CCDC172: variants seen among roughly 807,000 people sequenced by gnomAD.
The protein encoded by CCDC172 is coiled-coil domain containing 172, also known as coiled-coil domain-containing protein 172.
In CCDC172, 30 loss-of-function variants were observed where a neutral mutation model predicts 38.0. The observed-to-expected ratio is 0.79, with a 90% CI of 0.59 to 1.07. The LOEUF (loss-of-function observed/expected upper bound fraction) is 1.07. Among genes scored for constraint, CCDC172 ranks in the 50% least tolerant of loss-of-function variants. The pLI is 0.00. For synonymous variants in CCDC172, 78 were observed against 88.3 expected (o/e 0.88, Z 0.66); for missense variants, 297 against 290.1 (o/e 1.02, Z -0.17).
At chr10:116,327,390 C>A (rs1844605273) in intron 3 of CCDC172, among the ~76,000 whole-genome samples, 1 of 151,950 alleles carries the variant, frequency 6.6e-6, no homozygotes, top group Non-Finnish European at 1.5e-5. Context: ...AGTTTTTGTA[C>A]AAAATGCATT....
intron 7 of CCDC172, among the ~76,000 whole-genome samples, chr10:116,371,310 T>G (rs976619168): frequency 6.6e-6 from 1 of 151,964 alleles, no homozygotes; most frequent in Non-Finnish European, 1.5e-5. Flanking sequence ...ATCATATTAT[T>G]TTTCCCTTGG....
intron 5 of CCDC172, among the ~76,000 whole-genome samples, chr10:116,345,648 A>G (rs1844856647): frequency 6.6e-6 from 1 of 152,226 alleles, no homozygotes; most frequent in Non-Finnish European, 1.5e-5. Flanking sequence ...ATAAAAGGGA[A>G]AAAAGTTGAA....
intron 3 of CCDC172, among the ~76,000 whole-genome samples, chr10:116,328,714 C>T (rs932609119): frequency 2.0e-5 from 3 of 151,862 alleles, no homozygotes; most frequent in Non-Finnish European, 4.4e-5. Flanking sequence ...TAAAAAGTAA[C>T]TTAAGGTGGC....
intron 5 of CCDC172, among the ~76,000 whole-genome samples, chr10:116,350,362 T>G (rs1308624489): frequency 6.6e-6 from 1 of 152,134 alleles, no homozygotes; most frequent in African/African-American, 2.4e-5. Flanking sequence ...TAAGTGGTAT[T>G]CAGGTTCTAA....
At chr10:116,364,768 T>C (rs1234479598) in intron 7 of CCDC172, among the ~76,000 whole-genome samples, 1 of 152,168 alleles carries the variant, frequency 6.6e-6, no homozygotes, top group African/African-American at 2.4e-5. Flanking sequence ...GAAATATACA[T>C]AAATTTTAAC....
chr10:116,347,256 ACGTTAC>A (rs1844878971), intron 5 of CCDC172, among the ~76,000 whole-genome samples: 1 of 152,146 alleles, frequency 6.6e-6, no homozygotes, highest in African/African-American at 2.4e-5. Flanking sequence ...TGGGCAGAAC[ACGTTAC>A]TGAGTGGAGT....
chr10:116,371,115 T>G (rs1209676471), intron 7 of CCDC172, among the ~76,000 whole-genome samples: 1 of 151,906 alleles, frequency 6.6e-6, no homozygotes, highest in Non-Finnish European at 1.5e-5. Context: ...GCATCCTTAT[T>G]CCTGACCTTA....
intron 3 of CCDC172, 108 bp downstream of exon 3, chr10:116,325,496 G>C (rs974868183): frequency 1.3e-6 from 1 of 794,886 alleles, no homozygotes; most frequent in Non-Finnish European, 2.0e-6. Context: ...TAGGAAGCAC[G>C]TTACTCTGTG....
chr10:116,375,688 A>G (rs1845236160), intron 7 of CCDC172, among the ~76,000 whole-genome samples: 1 of 152,204 alleles, frequency 6.6e-6, no homozygotes. Context: ...ACAAGAAAAA[A>G]ACAAACAGCC....
chr10:116,357,299 T>A, intron 5 of CCDC172, 81 bp from the exon 6 acceptor site: 11 of 802,310 alleles, frequency 1.4e-5, no homozygotes, highest in Non-Finnish European at 2.1e-5. Context: ...TTTTATAGTT[T>A]TTAGTGTACA....
chr10:116,346,460 C>T (rs934954140), intron 5 of CCDC172, among the ~76,000 whole-genome samples: 1 of 151,886 alleles, frequency 6.6e-6, no homozygotes, highest in African/African-American at 2.4e-5. Context: ...TAACGTAAAG[C>T]CATGGCAAGC....
chr10:116,370,410 C>G (rs1845173561), intron 7 of CCDC172, among the ~76,000 whole-genome samples: 1 of 151,812 alleles, frequency 6.6e-6, no homozygotes, highest in African/African-American at 2.4e-5. Context: ...CTTTGGCAAT[C>G]CATTTATATC....
chr10:116,345,377 T>C (rs911131416), intron 5 of CCDC172, among the ~76,000 whole-genome samples: 1 of 152,166 alleles, frequency 6.6e-6, no homozygotes, highest in Non-Finnish European at 1.5e-5. Flanking sequence ...AAGCTAAAAT[T>C]ATGAATTTCC....
intron 5 of CCDC172, among the ~76,000 whole-genome samples, chr10:116,356,244 C>T (rs889202571): frequency 6.6e-6 from 1 of 151,790 alleles, no homozygotes; most frequent in Non-Finnish European, 1.5e-5. Context: ...GCAGGAGAAT[C>T]GCTTGAACCC....
chr10:116,376,917 T>C (rs1845252428), intron 7 of CCDC172, among the ~76,000 whole-genome samples: 1 of 152,096 alleles, frequency 6.6e-6, no homozygotes, highest in African/African-American at 2.4e-5. Flanking sequence ...TATGCATAAA[T>C]AGATTTTAAT....
At chr10:116,358,356 T>C (rs1313109135) in intron 7 of CCDC172, among the ~76,000 whole-genome samples, 1 of 152,136 alleles carries the variant, frequency 6.6e-6, no homozygotes, top group East Asian at 1.9e-4. Flanking sequence ...TCTTAAAAAG[T>C]GAAAATGTAT....
Position 116,379,374 on chromosome 10 carries a change from TC to T in CCDC172, c.*17del. On this transcript the variant is annotated 3_prime_UTR_variant, in exon 9 of 9. Transcript: ENST00000333254. ...AAGCAAATAACTTACAGAGAATTGA[TC>T]AGCCATCTGAGATTTGATCAGAATA... 1 of 1,561,088 alleles carries T rather than the reference TC, an allele frequency of 6.4e-7. No homozygotes were observed. The highest frequency in any genetic ancestry group is 8.7e-7 in the Non-Finnish European group (1 of 1,149,632).
At chr10:116,340,611 T>G (rs1310192832) in intron 3 of CCDC172, 123 bp from the exon 4 acceptor site, 2 of 557,080 alleles carry the variant, frequency 3.6e-6, no homozygotes, top group East Asian at 6.2e-5. Flanking sequence ...GCTAATTTTA[T>G]TTTGCATTTT....
In CCDC172 at chr10:116,342,219, C is replaced by A; in HGVS notation, c.448+18C>A. 1 of 1,511,490 alleles carries A rather than the reference C, an allele frequency of 6.6e-7. No individual in the cohort carries two copies. The highest frequency in any genetic ancestry group is 1.3e-5 in the South Asian group (1 of 74,460). 93.6% of individuals were successfully genotyped at this position (1,511,490 alleles called of 1,614,324 possible). A position where few individuals can be genotyped will look rare whatever the true frequency, so the allele number is the denominator to read the frequency against. On this transcript the variant is annotated intron_variant, in intron 5 of 8. Coordinates refer to ENST00000333254, the MANE Select transcript of CCDC172 (RefSeq NM_198515.3). ...GAAAAGTGGTATGAATAAATATCAC[C>A]TCATTTGTCTTGCATTAATGAAAAT...
Sources: allele counts gnomAD v4.1 joint callset (sites outside exome capture counted in the v4.1 genomes callset), GRCh38; gene constraint gnomAD v4.1.1; transcripts MANE v1.5; gene names NCBI Gene and HGNC (gene_info 2026-07-23, HGNC 2026-07-21).